PPEF2: variants seen among roughly 807,000 people sequenced by gnomAD.
The protein encoded by PPEF2 is serine/threonine-protein phosphatase with EF-hands 2.
Under a neutral mutation model 84.7 loss-of-function variants are expected in PPEF2, and 84 were observed. The ratio of observed to expected loss-of-function variants is 0.99; its 90% CI spans 0.83 to 1.19. The LOEUF is 1.19. Ranked by LOEUF, PPEF2 falls within the 50% of genes most tolerant of loss-of-function variation. The pLI is 0.00. For synonymous variants in PPEF2, 346 were observed against 345.2 expected (o/e 1.00, Z -0.03); for missense variants, 924 against 937.5 (o/e 0.99, Z 0.19).
rs774655633 is a variant in PPEF2 at position 75,876,295 on chromosome 4, ACTCCTCCTGAGTG to A, written c.1299_1311del (p.Thr434GlyfsTer5). ...CGCCTGGCCACGCTCACCTGCCTCC[ACTCCTCCTGAGTG>A]GGCTTCCGCAGCTCTCCGGCTTCAG... is the stretch of plus-strand genomic sequence containing the variant. On this transcript the variant is annotated frameshift_variant, in exon 11 of 17. Coordinates refer to ENST00000286719, the MANE Select transcript of PPEF2 (RefSeq NM_006239.3). LOFTEE classifies it high-confidence loss of function. 5 of 1,602,194 alleles carry A rather than the reference ACTCCTCCTGAGTG, an allele frequency of 3.1e-6. No individual in the cohort carries two copies. The East Asian group carries it at 8.9e-5, about 29-fold the overall frequency.
At chr4:75,887,100 G>T (rs557022761) in intron 6 of PPEF2, among the ~76,000 whole-genome samples, 16 of 152,130 alleles carry the variant, frequency 1.1e-4, no homozygotes, top group East Asian at 5.8e-4. Flanking sequence ...TTTTTCTGCC[G>T]GATTATTATA....
Position 75,886,832 on chromosome 4 carries a change from C to G in PPEF2, c.579+20G>C. On this transcript the variant is annotated intron_variant, in intron 7 of 16. Coordinates refer to ENST00000286719, the MANE Select transcript of PPEF2 (RefSeq NM_006239.3). ...ATTAAGCTTCAGAGCAAGAAAGCAA[C>G]TTAATTTGAACATTCATACCTTATA... 2 of 1,434,300 alleles carry G rather than the reference C, an allele frequency of 1.4e-6. No homozygotes were observed. Among genetic ancestry groups the G allele is most frequent in the Non-Finnish European group, 1.9e-6 (2 of 1,050,972 alleles). The allele number at this position is 1,434,300 out of a possible 1,614,324, so 88.8% of individuals were successfully genotyped here. A position where few individuals can be genotyped will look rare whatever the true frequency, so the allele number is the denominator to read the frequency against.
intron 5 of PPEF2, among the ~76,000 whole-genome samples, 159 bp downstream of exon 5, chr4:75,889,798 C>T (rs150803948): frequency 1.3e-4 from 20 of 152,334 alleles, no homozygotes; most frequent in African/African-American, 4.6e-4. Context: ...GGCTGATTGA[C>T]TGCAAGGTCC....
intron 6 of PPEF2, among the ~76,000 whole-genome samples, chr4:75,887,938 A>C (rs1418103374): frequency 6.6e-6 from 1 of 152,146 alleles, no homozygotes; most frequent in Non-Finnish European, 1.5e-5. Context: ...ATTTGCAGAG[A>C]TTTTGTTTTG....
intron 13 of PPEF2, among the ~76,000 whole-genome samples, chr4:75,870,819 T>C (rs1340954563): frequency 1.3e-5 from 2 of 152,184 alleles, no homozygotes; most frequent in Non-Finnish European, 2.9e-5. Flanking sequence ...ATAAATTCTT[T>C]ATAACATTTT....
chr4:75,883,348 A>C (rs4241572), intron 8 of PPEF2, 146 bp from the exon 9 acceptor site: 668,099 of 700,656 alleles, frequency 0.95, 323,665 homozygotes, highest in East Asian at 1. Context: ...AAAATGTTTA[A>C]AACTATGTCA....
chr4:75,884,265 T>C (rs1357689243), intron 8 of PPEF2, among the ~76,000 whole-genome samples: 1 of 151,838 alleles, frequency 6.6e-6, no homozygotes, highest in African/African-American at 2.4e-5. Context: ...GCCCTGTCTC[T>C]AATAATACAA....
chr4:75,893,099 T>C (rs1202305326), intron 2 of PPEF2, among the ~76,000 whole-genome samples: 1 of 152,216 alleles, frequency 6.6e-6, no homozygotes, highest in African/African-American at 2.4e-5. Flanking sequence ...AAATTTGATT[T>C]CCTATGAAAA....
rs779461995 is a variant in PPEF2, at chr4:75,876,471, C to G, written c.1136G>C (p.Gly379Ala). The change falls in exon 11 of 17, where the codon GGT becomes GCT. Residue 379 changes from glycine to alanine, a missense_variant. Physicochemically the swap from Gly to Ala is moderately conservative, Grantham distance 60 (BLOSUM62 0). Coordinates refer to ENST00000286719, the MANE Select transcript of PPEF2 (RefSeq NM_006239.3). ...TSRSSSIPCS[G>A]SLDGRELSRQ... Reference sequence around the variant, plus strand: ...GGAGAGCTCCCGCCCGTCCAGGGAACCGCTGCAGGGGATGCTGGAGGACCT... The same window carrying G: ...GGAGAGCTCCCGCCCGTCCAGGGAAGCGCTGCAGGGGATGCTGGAGGACCT... 1 of 1,613,954 alleles carries G rather than the reference C, an allele frequency of 6.2e-7. No individual in the cohort carries two copies. The highest frequency in any genetic ancestry group is 8.5e-7 in the Non-Finnish European group (1 of 1,179,906).
intron 1 of PPEF2, among the ~76,000 whole-genome samples, chr4:75,901,520 CA>C (rs72095152): frequency 0.53 from 71,148 of 133,166 alleles, 18,390 homozygotes; most frequent in East Asian, 0.96. Flanking sequence ...GACTCCACCT[CA>C]AAAAAAAAAA....
At chr4:75,870,960 A>T (rs1371682376) in intron 13 of PPEF2, among the ~76,000 whole-genome samples, 1 of 145,580 alleles carries the variant, frequency 6.9e-6, no homozygotes, top group South Asian at 2.2e-4. Flanking sequence ...TCTGTCGCCC[A>T]GGCTGGAGTG....
intron 10 of PPEF2, 114 bp downstream of exon 10, chr4:75,882,812 C>T: frequency 2.5e-6 from 3 of 1,198,688 alleles, no homozygotes; most frequent in Non-Finnish European, 3.5e-6. Flanking sequence ...TTAATGGCCT[C>T]CACACTCTTA....
intron 13 of PPEF2, among the ~76,000 whole-genome samples, 194 bp from the exon 14 acceptor site, chr4:75,867,613 G>A (rs1172408680): frequency 6.6e-6 from 1 of 152,162 alleles, no homozygotes; most frequent in African/African-American, 2.4e-5. Flanking sequence ...GTCCTTCCTG[G>A]TATGGGACAG....
intron 10 of PPEF2, among the ~76,000 whole-genome samples, chr4:75,877,277 C>T (rs1202054016): frequency 4.0e-5 from 6 of 151,180 alleles, no homozygotes; most frequent in African/African-American, 7.3e-5. Flanking sequence ...GCGGAGGTTG[C>T]GGTGAGCCAA....
chr4:75,900,342 A>T (rs1725092692), intron 1 of PPEF2, among the ~76,000 whole-genome samples: 1 of 152,226 alleles, frequency 6.6e-6, no homozygotes, highest in East Asian at 1.9e-4. Context: ...TAGAGTAAGG[A>T]AGTTGATATC....
At chr4:75,873,844 C>T (rs937656095) in intron 11 of PPEF2, among the ~76,000 whole-genome samples, 1 of 151,410 alleles carries the variant, frequency 6.6e-6, no homozygotes, top group African/African-American at 2.4e-5. Flanking sequence ...TGGTGGCTAA[C>T]ACCTGTAATC....
At chr4:75,891,572 C>G (rs565993107) in intron 4 of PPEF2, 76 bp downstream of exon 4, 1 of 1,470,186 alleles carries the variant, frequency 6.8e-7, no homozygotes, top group East Asian at 2.3e-5. Context: ...GTTTCACTCC[C>G]TGTGCATCCC....
chr4:75,891,594 T>G (rs1229673859), intron 4 of PPEF2, 54 bp downstream of exon 4: 5 of 1,533,662 alleles, frequency 3.3e-6, no homozygotes, highest in Non-Finnish European at 4.4e-6. Flanking sequence ...CACCTCACCG[T>G]GTAATCTATG....
At chr4:75,864,712 C>T (rs1444167483) in intron 15 of PPEF2, among the ~76,000 whole-genome samples, 185 bp from the exon 16 acceptor site, 2 of 152,042 alleles carry the variant, frequency 1.3e-5, no homozygotes, top group South Asian at 4.2e-4. Context: ...AAGCACCTCA[C>T]CCATGATGAA....
Sources: allele counts gnomAD v4.1 joint callset (sites outside exome capture counted in the v4.1 genomes callset), GRCh38; gene constraint gnomAD v4.1.1; transcripts MANE v1.5; gene names NCBI Gene and HGNC (gene_info 2026-07-23, HGNC 2026-07-21).